Variants in NPSR1 observed in about 807,000 individuals in gnomAD.
The protein encoded by NPSR1 is neuropeptide S receptor 1, also known as neuropeptide S receptor.
In NPSR1, 48 loss-of-function variants were observed where a neutral mutation model predicts 46.9. That is an observed-to-expected ratio of 1.02 (90% CI 0.81 to 1.30). NPSR1 has a LOEUF of 1.30. NPSR1 is among the 50% of genes most tolerant of loss of function. The pLI, the probability that NPSR1 is intolerant of heterozygous loss-of-function variation, is 0.00. For synonymous variants in NPSR1, 176 were observed against 168.1 expected (o/e 1.05, Z -0.36); for missense variants, 450 against 449.5 (o/e 1.00, Z -0.01).
intron 3 of NPSR1, among the ~76,000 whole-genome samples, chr7:34,806,434 G>T (rs1022432122): frequency 2.6e-5 from 4 of 152,232 alleles, no homozygotes; most frequent in African/African-American, 7.2e-5. Context: ...CATACTAAAT[G>T]ATTCAACTAT....
At chr7:34,814,281 G>T (rs1789135437) in intron 4 of NPSR1, among the ~76,000 whole-genome samples, 1 of 152,232 alleles carries the variant, frequency 6.6e-6, no homozygotes, top group Admixed American at 6.5e-5. Flanking sequence ...CTGGAGCCTT[G>T]CTCACTGCTA....
intron 8 of NPSR1, among the ~76,000 whole-genome samples, chr7:34,864,428 T>C (rs1213507519): frequency 5.3e-5 from 8 of 150,456 alleles, no homozygotes; most frequent in Admixed American, 4.0e-4. Context: ...AATTACAAGA[T>C]GTTCCAAATT....
At chr7:34,665,239 C>T (rs1791677672) in intron 1 of NPSR1, among the ~76,000 whole-genome samples, 1 of 152,168 alleles carries the variant, frequency 6.6e-6, no homozygotes, top group East Asian at 1.9e-4. Context: ...TTATTGTTCC[C>T]TCATATCACA....
rs1163564992 is a variant in NPSR1, at chr7:34,878,206, G to T, written c.*22G>T. ...GTGACAGCTCTCACCCTGTGCTGCA[G>T]GTGGCCCTGTGCCTGGTGCCACTTC... On this transcript the variant is annotated 3_prime_UTR_variant, in exon 9 of 9. Transcript: ENST00000359791. 7.7e-6 allele frequency: 11 copies of T among 1,431,816 alleles called. No homozygotes were observed. The South Asian group carries it at 1.2e-4, about 16-fold the overall frequency. 88.7% of individuals were successfully genotyped at this position (1,431,816 alleles called of 1,614,324 possible). A position where few individuals can be genotyped will look rare whatever the true frequency, so the allele number is the denominator to read the frequency against.
intron 1 of NPSR1, among the ~76,000 whole-genome samples, chr7:34,661,073 T>A (rs578200698): frequency 1.3e-5 from 2 of 152,358 alleles, no homozygotes; most frequent in African/African-American, 4.8e-5. Context: ...AAACATTGAC[T>A]GCATAAACAA....
chr7:34,789,803 C>T (rs1787644715), intron 3 of NPSR1, among the ~76,000 whole-genome samples: 1 of 131,314 alleles, frequency 7.6e-6, no homozygotes, highest in Admixed American at 7.6e-5. Context: ...CCTAGATACA[C>T]AAAAACTACC....
chr7:34,684,761 C>A (rs1391882833), intron 2 of NPSR1, 77 bp downstream of exon 2: 448 of 946,806 alleles, frequency 4.7e-4, no homozygotes, highest in African/African-American at 2.3e-3. Flanking sequence ...TGAATTTTAT[C>A]AAAAAAAAAA....
chr7:34,786,785 T>C (rs1787485356), intron 3 of NPSR1, among the ~76,000 whole-genome samples: 1 of 152,120 alleles, frequency 6.6e-6, no homozygotes, highest in African/African-American at 2.4e-5. Flanking sequence ...AGCAGTGATA[T>C]TTGGAAAGGA....
intron 3 of NPSR1, among the ~76,000 whole-genome samples, chr7:34,802,760 A>G (rs1308693834): frequency 6.6e-6 from 1 of 150,512 alleles, no homozygotes; most frequent in East Asian, 1.9e-4. Context: ...AAAGGAAACT[A>G]CCATCAGAGT....
intron 8 of NPSR1, among the ~76,000 whole-genome samples, chr7:34,862,528 C>T (rs1791213684): frequency 6.6e-6 from 1 of 151,798 alleles, no homozygotes; most frequent in African/African-American, 2.4e-5. Flanking sequence ...TTGAGTCTCT[C>T]TATCTAAAAT....
chr7:34,749,940 T>C (rs556213818), intron 2 of NPSR1, among the ~76,000 whole-genome samples: 7 of 152,306 alleles, frequency 4.6e-5, no homozygotes, highest in Admixed American at 1.3e-4. Context: ...CTGCTGTTTC[T>C]TGTAGCCCAA....
At chr7:34,866,827 A>G (rs1247689043) in intron 8 of NPSR1, among the ~76,000 whole-genome samples, 2 of 151,822 alleles carry the variant, frequency 1.3e-5, no homozygotes, top group East Asian at 3.8e-4. Context: ...TTAGAAAAAA[A>G]AGTTTCCTGC....
chr7:34,824,854 C>T (rs1436556773), intron 4 of NPSR1, among the ~76,000 whole-genome samples: 1 of 152,148 alleles, frequency 6.6e-6, no homozygotes, highest in East Asian at 1.9e-4. Flanking sequence ...AGAAACCCAT[C>T]AGGCTTCACA....
intron 1 of NPSR1, among the ~76,000 whole-genome samples, chr7:34,676,709 C>G (rs927884924): frequency 2.0e-5 from 3 of 152,180 alleles, no homozygotes; most frequent in Non-Finnish European, 4.4e-5. Context: ...TACACTGTGT[C>G]TGGCATAGAG....
intron 1 of NPSR1, among the ~76,000 whole-genome samples, chr7:34,671,136 G>A (rs1011572764): frequency 4.6e-5 from 7 of 152,042 alleles, no homozygotes; most frequent in African/African-American, 1.7e-4. Context: ...GGAATATTAT[G>A]CAACTATAAT....
chr7:34,746,914 C>A (rs1316621310), intron 2 of NPSR1, among the ~76,000 whole-genome samples: 1 of 151,988 alleles, frequency 6.6e-6, no homozygotes, highest in Non-Finnish European at 1.5e-5. Flanking sequence ...ATCACGAGGT[C>A]AAGAGATCGA....
At position 34,791,341 on chromosome 7, in the gene NPSR1, CTG is replaced by C. The variant is rs1787870650; in HGVS notation, c.384+12778_384+12779del. Among the ~76,000 whole-genome samples, 3 of 144,792 alleles carry C rather than the reference CTG, an allele frequency of 2.1e-5. No individual in the cohort carries two copies. In the Admixed American group the frequency reaches 2.1e-4, roughly 10 times the overall value. The allele number at this position is 144,792 out of a possible 152,430, so 95.0% of individuals were successfully genotyped here. A position where few individuals can be genotyped will look rare whatever the true frequency, so the allele number is the denominator to read the frequency against. On this transcript the variant is annotated intron_variant, in intron 3 of 8. Coordinates refer to ENST00000360581, the MANE Select transcript of NPSR1 (RefSeq NM_207172.2). ...ACAAAACACAAAACACCACCAAAAA[CTG>C]TTAAAACTAACAAATGAATTTACTA... is the stretch of plus-strand genomic sequence containing the variant.
rs554930640 is a variant in NPSR1 at position 34,776,337 on chromosome 7, C to G, written c.281-2125C>G. On this transcript the variant is annotated intron_variant, in intron 2 of 8. Coordinates refer to ENST00000360581, the MANE Select transcript of NPSR1 (RefSeq NM_207172.2). ...CTATTATTGTATGGGGTCTATATCT[C>G]TCTTTAGCTCTAACAATATTTAATT... 2.0e-4 allele frequency among the ~76,000 whole-genome samples: 31 copies of G among 152,224 alleles called. No homozygotes were observed. In the South Asian group the frequency reaches 6.0e-3, roughly 30 times the overall value.
intron 2 of NPSR1, among the ~76,000 whole-genome samples, chr7:34,747,132 A>C (rs1785244080): frequency 6.7e-6 from 1 of 149,144 alleles, no homozygotes. Flanking sequence ...AAAAAAACAA[A>C]AAAAAAAAAA....
Sources: gnomAD v4.1 joint callset for allele counts (sites outside exome capture counted in the v4.1 genomes callset) on GRCh38, gnomAD v4.1.1 for gene constraint, MANE v1.5 for transcripts, NCBI Gene and HGNC (gene_info 2026-07-23, HGNC 2026-07-21) for gene names.